ASB1: variants seen among roughly 807,000 people sequenced by gnomAD.
The protein encoded by ASB1 is ankyrin repeat and SOCS box protein 1.
A neutral mutation model predicts 27.7 loss-of-function variants in ASB1; 18 were observed. The ratio of observed to expected loss-of-function variants is 0.65; its 90% CI spans 0.45 to 0.96. The LOEUF (loss-of-function observed/expected upper bound fraction) is 0.96. ASB1 is among the 50% of genes least tolerant of loss of function. ASB1 has a pLI of 0.00. For synonymous variants in ASB1, 189 were observed against 187.6 expected (o/e 1.01, Z -0.06); for missense variants, 397 against 451.7 (o/e 0.88, Z 1.10).
intron 1 of ASB1, among the ~76,000 whole-genome samples, chr2:238,429,082 G>A (rs508274): frequency 0.47 from 71,505 of 152,118 alleles, 18,609 homozygotes; most frequent in Middle Eastern, 0.63. Context: ...GAGCAACTCA[G>A]TGGACTGTCA....
chr2:238,436,747 A>G (rs749802860), intron 3 of ASB1, among the ~76,000 whole-genome samples: 1 of 143,964 alleles, frequency 6.9e-6, no homozygotes, highest in African/African-American at 2.6e-5. Flanking sequence ...TACATATTAT[A>G]CTTTGTTAGG....
intron 4 of ASB1, among the ~76,000 whole-genome samples, chr2:238,445,524 C>T (rs1178058230): frequency 2.0e-5 from 3 of 152,138 alleles, no homozygotes; most frequent in Non-Finnish European, 2.9e-5. Flanking sequence ...ATTTTGTTAA[C>T]GATTAATGCA....
In ASB1 at chr2:238,450,433, G is replaced by A. The variant is rs924047324; in HGVS notation, c.*3922G>A. 1 of 152,186 alleles carries A rather than the reference G, an allele frequency of 6.6e-6. No homozygotes were observed. The highest frequency in any genetic ancestry group is 6.5e-5 in the Admixed American group (1 of 15,284). The allele number at this position is 152,186 out of a possible 1,614,324, so 9.4% of individuals were successfully genotyped here. On this transcript the variant is annotated 3_prime_UTR_variant, in exon 5 of 5. Coordinates refer to ENST00000264607, the MANE Select transcript of ASB1 (RefSeq NM_001040445.3). ...ATTTTTGCTTTTTGAAATGCTCTTG[G>A]TTGCAAAACAAAATGTTGGTTGCTG...
chr2:238,427,052 C>A lies in ASB1; in HGVS notation c.-19C>A. ...GGGGCGTGCGCGGGTCAGGGGCGGC[C>A]GCGGAGGCGGAAGCATCCATGGCGG... On this transcript the variant is annotated 5_prime_UTR_variant, in exon 1 of 5. Coordinates refer to ENST00000264607, the MANE Select transcript of ASB1 (RefSeq NM_001040445.3). 1 of 1,259,784 alleles carries A rather than the reference C, an allele frequency of 7.9e-7. No individual in the cohort carries two copies. Among genetic ancestry groups the A allele is most frequent in the Non-Finnish European group, 1.0e-6 (1 of 1,003,288 alleles). The allele number at this position is 1,259,784 out of a possible 1,614,324, so 78.0% of individuals were successfully genotyped here. A position where few individuals can be genotyped will look rare whatever the true frequency, so the allele number is the denominator to read the frequency against.
At position 238,450,055 on chromosome 2, in the gene ASB1, G is replaced by A. The variant is rs1258929476; in HGVS notation, c.*3544G>A. On this transcript the variant is annotated 3_prime_UTR_variant, in exon 5 of 5. Transcript: ENST00000264607. ...AGGGTTTTGTGGGGTCACATGGGAA[G>A]CAATGTGTTACGCAAGCAGTCTCCA... 1 of 152,288 alleles carries A rather than the reference G, an allele frequency of 6.6e-6. No individual in the cohort carries two copies. The highest frequency in any genetic ancestry group is 1.5e-5 in the Non-Finnish European group (1 of 68,068). 9.4% of individuals were successfully genotyped at this position (152,288 alleles called of 1,614,324 possible). A position where few individuals can be genotyped will look rare whatever the true frequency, so the allele number is the denominator to read the frequency against.
In ASB1 at chr2:238,446,543, G is replaced by A. The variant is rs191355807; in HGVS notation, c.*32G>A. 5.6e-6 allele frequency: 9 copies of A among 1,610,800 alleles called. No individual in the cohort carries two copies. In the Admixed American group the frequency reaches 1.5e-4, roughly 27 times the overall value. ...AGTGCTGCGGTTGATTCCAGTGAGG[G>A]AGAAAGTGATCTGCAGGGAGGTGGA... On this transcript the variant is annotated 3_prime_UTR_variant, in exon 5 of 5. Transcript: ENST00000264607.
Position 238,444,413 on chromosome 2 carries a change from C to T in ASB1, c.566C>T (p.Thr189Ile). 1 of 1,613,848 alleles carries T rather than the reference C, an allele frequency of 6.2e-7. No homozygotes were observed. The highest frequency in any genetic ancestry group is 8.5e-7 in the Non-Finnish European group (1 of 1,179,796). Residue 189 changes from threonine (T) to isoleucine (I), a missense_variant, in exon 4 of 5, where the codon ACC becomes ATC. Physicochemically the swap from Thr to Ile is moderately conservative, Grantham distance 89. Transcript: ENST00000264607. ...CAGCCTCGATTCTCCCGGCGGCTCA[C>T]CTCCTTGGTGGTCTGCCCCTTGTAC... ...DVQPRFSRRL[T>I]SLVVCPLYIS...
At chr2:238,437,540 T>C (rs755408691) in intron 3 of ASB1, among the ~76,000 whole-genome samples, 4 of 151,466 alleles carry the variant, frequency 2.6e-5, no homozygotes, top group Non-Finnish European at 4.4e-5. Context: ...TACAGTCTTA[T>C]TTTAATCATA....
In ASB1 at chr2:238,427,124, C is replaced by A. The variant is rs907447732; in HGVS notation, c.49+5C>A. On this transcript the variant is annotated splice_donor_5th_base_variant and intron_variant, in intron 1 of 4. Coordinates refer to ENST00000264607, the MANE Select transcript of ASB1 (RefSeq NM_001040445.3). Reference sequence around the variant, plus strand: ...GGGCAGGGCCGGGCTCCGCAGGTAACGTGCGCGCGGCCACTGGGCCGCGGG... The same window carrying A: ...GGGCAGGGCCGGGCTCCGCAGGTAAAGTGCGCGCGGCCACTGGGCCGCGGG... The A allele has an allele frequency of 2.1e-5, 26 of 1,248,622 alleles. No individual in the cohort carries two copies. Among genetic ancestry groups the A allele is most frequent in the Non-Finnish European group, 1.1e-5 (11 of 996,742 alleles). 77.3% of individuals were successfully genotyped at this position (1,248,622 alleles called of 1,614,324 possible).
intron 1 of ASB1, among the ~76,000 whole-genome samples, chr2:238,428,210 C>T (rs946185892): frequency 2.0e-5 from 3 of 152,126 alleles, no homozygotes; most frequent in African/African-American, 4.8e-5. Flanking sequence ...ATGCGTGTTC[C>T]GTGGGAAAAA....
At chr2:238,437,070 T>C (rs1018388495) in intron 3 of ASB1, among the ~76,000 whole-genome samples, 2 of 152,172 alleles carry the variant, frequency 1.3e-5, no homozygotes, top group African/African-American at 4.8e-5. Context: ...ACCATTTGTC[T>C]AGGAGTTTTT....
chr2:238,431,244 G>T (rs183183523), intron 1 of ASB1, among the ~76,000 whole-genome samples: 5 of 152,248 alleles, frequency 3.3e-5, no homozygotes, highest in East Asian at 1.9e-4. Context: ...GCTTCACTTT[G>T]TACTTTTGTG....
Position 238,446,567 on chromosome 2 carries a change from G to A in ASB1, c.*56G>A, listed in dbSNP as rs887803648. The A allele has an allele frequency of 1.2e-6, 2 of 1,600,892 alleles. No homozygotes were observed. The highest frequency in any genetic ancestry group is 1.7e-5 in the Admixed American group (1 of 59,990). The stretch of plus-strand genomic sequence containing the variant: ...GGAGAAAGTGATCTGCAGGGAGGTG[G>A]ACACCGAGCCCTGAGTGCTGTGCTG... On this transcript the variant is annotated 3_prime_UTR_variant, in exon 5 of 5. Coordinates refer to ENST00000264607, the MANE Select transcript of ASB1 (RefSeq NM_001040445.3).
intron 3 of ASB1, among the ~76,000 whole-genome samples, chr2:238,438,869 A>G (rs1331651138): frequency 2.0e-5 from 3 of 152,214 alleles, no homozygotes; most frequent in Non-Finnish European, 4.4e-5. Flanking sequence ...CTGTATGTGC[A>G]AAAGTTATAT....
intron 1 of ASB1, among the ~76,000 whole-genome samples, chr2:238,428,379 C>T (rs1206959558): frequency 1.3e-5 from 2 of 152,188 alleles, no homozygotes; most frequent in African/African-American, 2.4e-5. Flanking sequence ...CAGCCTCCGC[C>T]TCGGGGGTTC....
At chr2:238,442,204 C>T (rs547694435) in intron 3 of ASB1, among the ~76,000 whole-genome samples, 7 of 151,992 alleles carry the variant, frequency 4.6e-5, no homozygotes, top group East Asian at 3.9e-4. Flanking sequence ...CTGCAACCTC[C>T]GCCTCCCGGG....
intron 3 of ASB1, among the ~76,000 whole-genome samples, chr2:238,436,688 A>G (rs895131955): frequency 2.3e-4 from 35 of 151,582 alleles, no homozygotes; most frequent in African/African-American, 7.5e-4. Context: ...ATGTCAGACT[A>G]CATTGTTGTG....
intron 3 of ASB1, among the ~76,000 whole-genome samples, chr2:238,441,004 G>C (rs78624499): frequency 6.6e-6 from 1 of 152,222 alleles, no homozygotes; most frequent in African/African-American, 2.4e-5. Flanking sequence ...TGAACGTGAC[G>C]CTGGGAGTGG....
intron 2 of ASB1, chr2:238,435,049 C>T (rs555504514): frequency 1.3e-5 from 2 of 152,160 alleles, no homozygotes; most frequent in East Asian, 1.9e-4. Flanking sequence ...ACTGGGAGCT[C>T]GCTGTGAACC....
Sources: allele counts gnomAD v4.1 joint callset (sites outside exome capture counted in the v4.1 genomes callset), GRCh38; gene constraint gnomAD v4.1.1; transcripts MANE v1.5; gene names NCBI Gene and HGNC (gene_info 2026-07-23, HGNC 2026-07-21).